Variants in NR5A2 observed in about 807,000 individuals in gnomAD.
NR5A2 encodes nuclear receptor subfamily 5 group A member 2.
Under a neutral mutation model 62.7 loss-of-function variants are expected in NR5A2, and 26 were observed. The ratio of observed to expected loss-of-function variants is 0.41; its 90% CI spans 0.30 to 0.58. NR5A2 has a LOEUF of 0.58. Ranked by LOEUF, NR5A2 falls within the 20% of genes least tolerant of loss-of-function variation. NR5A2 has a pLI of 0.22. For missense variants in NR5A2, 541 were observed against 669.1 expected (o/e 0.81, Z 2.11); for synonymous variants, 246 against 241.7 (o/e 1.02, Z -0.16).
intron 1 of NR5A2, among the ~76,000 whole-genome samples, chr1:200,028,760 C>T (rs538037059): frequency 2.7e-4 from 41 of 152,230 alleles, no homozygotes; most frequent in Middle Eastern, 3.4e-3. Flanking sequence ...CTGGAATTTC[C>T]CTCCGAATTT....
In NR5A2 at chr1:200,027,747, G is replaced by T; in HGVS notation, c.-101G>T. On this transcript the variant is annotated 5_prime_UTR_variant, in exon 1 of 8. Coordinates refer to ENST00000367362, the MANE Select transcript of NR5A2 (RefSeq NM_205860.3). ...CTTTCACTAAGGGTTACTGTAGTCT[G>T]ATGTGTCCTTCCCAAGGCCACGAAA... 3.0e-6 allele frequency: 2 copies of T among 668,482 alleles called. No homozygotes were observed. Among genetic ancestry groups the T allele is most frequent in the Non-Finnish European group, 5.2e-6 (2 of 387,926 alleles). 41.4% of individuals were successfully genotyped at this position (668,482 alleles called of 1,614,324 possible). A position where few individuals can be genotyped will look rare whatever the true frequency, so the allele number is the denominator to read the frequency against.
chr1:200,061,275 CTTTTTTTTTT>C (rs35232000), intron 5 of NR5A2, among the ~76,000 whole-genome samples: 1 of 122,878 alleles, frequency 8.1e-6, no homozygotes, highest in Non-Finnish European at 1.6e-5. Context: ...TCGGGATTAA[CTTTTTTTTTT>C]TTTTTTTTTG....
chr1:200,165,364 G>A (rs61826187), intron 7 of NR5A2, among the ~76,000 whole-genome samples: 24,526 of 152,004 alleles, frequency 0.16, 2,625 homozygotes, highest in African/African-American at 0.3. Flanking sequence ...CCCAAAGTCC[G>A]CTGTTCACAT....
At chr1:200,075,900 T>TCTTTTCTTTTC (rs1553268801) in intron 5 of NR5A2, among the ~76,000 whole-genome samples, 1 of 151,966 alleles carries the variant, frequency 6.6e-6, no homozygotes, top group African/African-American at 2.4e-5. Flanking sequence ...TCTTTTCTTT[T>TCTTTTCTTTTC]TTTTTTGTTA....
At chr1:200,135,375 G>T (rs1383903191) in intron 7 of NR5A2, among the ~76,000 whole-genome samples, 1 of 152,130 alleles carries the variant, frequency 6.6e-6, no homozygotes, top group Admixed American at 6.6e-5. Context: ...ACAAAAATTA[G>T]CCGGGTGTGG....
At chr1:200,106,780 TCA>T (rs1451647798) in intron 5 of NR5A2, among the ~76,000 whole-genome samples, 2 of 152,156 alleles carry the variant, frequency 1.3e-5, no homozygotes, top group Non-Finnish European at 2.9e-5. Context: ...CAAAAAATCT[TCA>T]AAATTGTCAA....
intron 7 of NR5A2, among the ~76,000 whole-genome samples, chr1:200,134,542 T>G (rs1001426319): frequency 6.6e-6 from 1 of 152,172 alleles, no homozygotes; most frequent in Non-Finnish European, 1.5e-5. Flanking sequence ...TGTAGTAAGT[T>G]TGTGTAAGTA....
At chr1:200,161,403 C>T (rs1190350376) in intron 7 of NR5A2, among the ~76,000 whole-genome samples, 1 of 152,154 alleles carries the variant, frequency 6.6e-6, no homozygotes, top group Non-Finnish European at 1.5e-5. Context: ...CGATCTGTTT[C>T]ATAAACCCCT....
At chr1:200,042,440 G>A (rs1341432119) in intron 2 of NR5A2, among the ~76,000 whole-genome samples, 1 of 152,232 alleles carries the variant, frequency 6.6e-6, no homozygotes, top group African/African-American at 2.4e-5. Flanking sequence ...ATACTGTGGC[G>A]GAGGACTTTG....
At chr1:200,119,681 C>A (rs1249686288) in intron 6 of NR5A2, among the ~76,000 whole-genome samples, 1 of 152,140 alleles carries the variant, frequency 6.6e-6, no homozygotes, top group Non-Finnish European at 1.5e-5. Flanking sequence ...GGCTGGAGTG[C>A]AATGGCACGA....
chr1:200,130,732 C>G (rs868161934), intron 7 of NR5A2, among the ~76,000 whole-genome samples: 1 of 152,162 alleles, frequency 6.6e-6, no homozygotes, highest in Admixed American at 6.5e-5. Flanking sequence ...AAGCTGGTCA[C>G]AATATTTGCT....
chr1:200,049,511 A>G (rs1457783477), intron 5 of NR5A2, among the ~76,000 whole-genome samples: 2 of 152,200 alleles, frequency 1.3e-5, no homozygotes, highest in Non-Finnish European at 2.9e-5. Flanking sequence ...ACTTGTTTGT[A>G]TAGGGATCTA....
chr1:200,039,038 C>T lies in NR5A2; in HGVS notation c.65-620C>T, dbSNP rs971611373. On this transcript the variant is annotated intron_variant, in intron 1 of 7. Coordinates refer to ENST00000367362, the MANE Select transcript of NR5A2 (RefSeq NM_205860.3). This position sits in a 1 kb window ranked among gnomAD's most constrained non-coding sequence, Gnocchi z 5.1. ...CCCCTGTCCTTCCCAGCACCGTCACCCTCGGGGCTGGGAAGGGCCGTTCTC... is the reference window on the plus strand; with the variant it reads ...CCCCTGTCCTTCCCAGCACCGTCACTCTCGGGGCTGGGAAGGGCCGTTCTC... Among the ~76,000 whole-genome samples the T allele has an allele frequency of 1.3e-5, 2 of 151,998 alleles. No individual in the cohort carries two copies. The highest frequency in any genetic ancestry group is 4.8e-5 in the African/African-American group (2 of 41,396).
intron 5 of NR5A2, among the ~76,000 whole-genome samples, chr1:200,062,387 C>T (rs1160960014): frequency 6.6e-6 from 1 of 152,162 alleles, no homozygotes; most frequent in Non-Finnish European, 1.5e-5. Flanking sequence ...GACTCTGAAA[C>T]TGCTACAAAT....
intron 1 of NR5A2, among the ~76,000 whole-genome samples, chr1:200,034,362 C>T (rs755966808): frequency 1.3e-5 from 2 of 152,066 alleles, no homozygotes; most frequent in Non-Finnish European, 2.9e-5. Flanking sequence ...AGATTATTTC[C>T]CCTGCCCCAC....
At position 200,043,865 on chromosome 1, in the gene NR5A2, T is replaced by C. The variant is rs375484896; in HGVS notation, c.294T>C (p.Tyr98=). The C allele has an allele frequency of 2.5e-6, 4 of 1,613,254 alleles. No homozygotes were observed. In the African/African-American group the frequency reaches 4.0e-5, roughly 16 times the overall value. Residue 98 remains tyrosine, a synonymous_variant, in exon 3 of 8, where the codon TAT becomes TAC. Transcript: ENST00000367362. The part of the protein sequence containing the change: ...VCGDKVSGYH[Y]GLLTCESCKG... ...GAGATAAAGTGTCTGGGTACCATTATGGGCTCCTCACCTGTGAAAGCTGCA... is the reference window on the plus strand; with the variant it reads ...GAGATAAAGTGTCTGGGTACCATTACGGGCTCCTCACCTGTGAAAGCTGCA...
At chr1:200,036,705 CG>C (rs1661794299) in intron 1 of NR5A2, among the ~76,000 whole-genome samples, 1 of 152,116 alleles carries the variant, frequency 6.6e-6, no homozygotes, top group African/African-American at 2.4e-5. Flanking sequence ...CCCCAGGGAG[CG>C]TTTCCCATCG....
At chr1:200,078,218 A>G (rs1664130399) in intron 5 of NR5A2, among the ~76,000 whole-genome samples, 1 of 152,198 alleles carries the variant, frequency 6.6e-6, no homozygotes, top group South Asian at 2.1e-4. Context: ...AAAACACATG[A>G]GTTGGTCCAC....
At chr1:200,115,031 A>G (rs1437739053) in intron 6 of NR5A2, among the ~76,000 whole-genome samples, 1 of 121,998 alleles carries the variant, frequency 8.2e-6, no homozygotes, top group Non-Finnish European at 1.8e-5. Context: ...GACTAAATGG[A>G]TATGCTTTTT....
Sources: gnomAD v4.1 joint callset for allele counts (sites outside exome capture counted in the v4.1 genomes callset) on GRCh38, gnomAD v4.1.1 for gene constraint, Gnocchi (gnomAD v3.1) non-coding constraint, MANE v1.5 for transcripts, NCBI Gene and HGNC (gene_info 2026-07-23, HGNC 2026-07-21) for gene names.